Variants in EDIL3 observed in about 807,000 individuals in gnomAD.
The protein encoded by EDIL3 is EGF-like repeat and discoidin I-like domain-containing protein 3.
A neutral mutation model predicts 67.4 loss-of-function variants in EDIL3; 37 were observed. The ratio of observed to expected loss-of-function variants is 0.55; its 90% CI spans 0.42 to 0.72. EDIL3 has a LOEUF of 0.72. EDIL3 is among the 30% of genes least tolerant of loss of function. EDIL3 has a pLI of 0.00. For synonymous variants in EDIL3, 195 were observed against 196.3 expected (o/e 0.99, Z 0.05); for missense variants, 527 against 586.3 (o/e 0.90, Z 1.04).
chr5:84,094,492 A>G (rs1747225599), intron 6 of EDIL3, among the ~76,000 whole-genome samples: 1 of 152,052 alleles, frequency 6.6e-6, no homozygotes, highest in Non-Finnish European at 1.5e-5. Context: ...CAGCTTCTGT[A>G]ACTAGAAAAA....
intron 4 of EDIL3, among the ~76,000 whole-genome samples, chr5:84,157,399 A>G (rs1405302649): frequency 6.6e-6 from 1 of 152,126 alleles, no homozygotes; most frequent in Non-Finnish European, 1.5e-5. Context: ...TAAGCAATCC[A>G]GTAAATAATA....
chr5:83,967,790 G>A (rs1396614655), intron 9 of EDIL3, among the ~76,000 whole-genome samples: 1 of 152,098 alleles, frequency 6.6e-6, no homozygotes, highest in Non-Finnish European at 1.5e-5. Context: ...TTCTTGAAGG[G>A]GTGAGGACAA....
rs114775587 is a variant in EDIL3 at position 83,961,123 on chromosome 5, A to G, written c.1293+2082T>C. ...AGATTTCAGAGCAAAAAATAGTACC[A>G]GGGGTACAGAAGTTCATTTTCTAAT... On this transcript the variant is annotated intron_variant, in intron 10 of 10. Coordinates refer to ENST00000296591, the MANE Select transcript of EDIL3 (RefSeq NM_005711.5). 3.0e-3 allele frequency among the ~76,000 whole-genome samples: 449 copies of G among 151,202 alleles called. 1 individual carries two copies. The highest frequency in any genetic ancestry group is 0.01 in the African/African-American group (429 of 41,456).
intron 5 of EDIL3, among the ~76,000 whole-genome samples, 167 bp downstream of exon 5, chr5:84,137,074 G>C (rs1186894710): frequency 6.6e-6 from 1 of 151,936 alleles, no homozygotes; most frequent in Non-Finnish European, 1.5e-5. Flanking sequence ...CATTTCAATG[G>C]ATTATGCACT....
At chr5:84,292,624 T>C (rs1745946173) in intron 1 of EDIL3, among the ~76,000 whole-genome samples, 1 of 152,206 alleles carries the variant, frequency 6.6e-6, no homozygotes, top group African/African-American at 2.4e-5. Context: ...ATCCTATTTT[T>C]TTAAGATTTG....
At chr5:84,310,340 G>C (rs72778410) in intron 1 of EDIL3, among the ~76,000 whole-genome samples, 16 of 152,022 alleles carry the variant, frequency 1.1e-4, no homozygotes, top group Non-Finnish European at 1.9e-4. Flanking sequence ...ATTTTTACAC[G>C]TGGGGGGAGG....
chr5:83,980,269 C>G (rs977073005), intron 9 of EDIL3, among the ~76,000 whole-genome samples: 28 of 151,274 alleles, frequency 1.9e-4, no homozygotes, highest in African/African-American at 6.3e-4. Context: ...TTTTATGGGC[C>G]CTTTGGCTGA....
intron 6 of EDIL3, among the ~76,000 whole-genome samples, chr5:84,085,340 G>A (rs1747050328): frequency 6.6e-6 from 1 of 152,190 alleles, no homozygotes; most frequent in Admixed American, 6.5e-5. Flanking sequence ...CTTTGAGGCT[G>A]ATGACCTTTG....
In EDIL3 at chr5:84,383,325, A is replaced by G. The variant is rs113528993; in HGVS notation, c.67+983T>C. Among the ~76,000 whole-genome samples, 294 of 152,232 alleles carry G rather than the reference A, an allele frequency of 1.9e-3. 1 individual carries two copies. The highest frequency in any genetic ancestry group is 6.5e-3 in the African/African-American group (272 of 41,554). ...TCCGGCGACTACTTCAGCCCCGGCC[A>G]GCGGTGAGACCCAGGTCAGCACAAG... On this transcript the variant is annotated intron_variant, in intron 1 of 10. Transcript: ENST00000296591.
intron 3 of EDIL3, among the ~76,000 whole-genome samples, chr5:84,205,117 T>A (rs905406133): frequency 3.3e-5 from 5 of 151,562 alleles, no homozygotes; most frequent in Non-Finnish European, 7.4e-5. Context: ...GGTCTCACCT[T>A]GTTGCCCAGG....
chr5:84,060,750 T>G (rs2112235766), intron 8 of EDIL3, among the ~76,000 whole-genome samples: 1 of 152,328 alleles, frequency 6.6e-6, no homozygotes, highest in Admixed American at 6.5e-5. Flanking sequence ...TTTTCTGTGA[T>G]AGATGATTCT....
At chr5:84,361,099 G>C (rs1325848883) in intron 1 of EDIL3, among the ~76,000 whole-genome samples, 1 of 151,988 alleles carries the variant, frequency 6.6e-6, no homozygotes. Flanking sequence ...TTCTGCAAGT[G>C]AGCGTTAATA....
chr5:84,299,106 AG>A (rs1746104497), intron 1 of EDIL3, among the ~76,000 whole-genome samples: 1 of 152,228 alleles, frequency 6.6e-6, no homozygotes, highest in Non-Finnish European at 1.5e-5. Flanking sequence ...TTCTGTAAGT[AG>A]GTTGCAGTGT....
intron 1 of EDIL3, among the ~76,000 whole-genome samples, chr5:84,281,203 C>A (rs1317030): frequency 6.6e-6 from 1 of 151,958 alleles, no homozygotes; most frequent in African/African-American, 2.4e-5. Context: ...CTATTTCTTA[C>A]CTTTACTGTG....
chr5:83,964,296 A>T (rs1317593127), intron 9 of EDIL3, among the ~76,000 whole-genome samples: 4 of 151,910 alleles, frequency 2.6e-5, no homozygotes, highest in Non-Finnish European at 5.9e-5. Context: ...CAACTCTTGT[A>T]AGATCTTTGC....
At chr5:84,079,035 A>G (rs1746916137) in intron 6 of EDIL3, among the ~76,000 whole-genome samples, 1 of 152,124 alleles carries the variant, frequency 6.6e-6, no homozygotes, top group Admixed American at 6.5e-5. Context: ...TTACTGGCCA[A>G]TGATTTCATC....
chr5:84,298,752 T>C (rs956286622), intron 1 of EDIL3, among the ~76,000 whole-genome samples: 3 of 152,222 alleles, frequency 2.0e-5, no homozygotes, highest in Non-Finnish European at 4.4e-5. Flanking sequence ...GAAAGCGATG[T>C]CACACCTTTG....
At chr5:84,344,651 T>C (rs962575992) in intron 1 of EDIL3, among the ~76,000 whole-genome samples, 5 of 152,082 alleles carry the variant, frequency 3.3e-5, no homozygotes, top group African/African-American at 1.2e-4. Flanking sequence ...AAAAATGTAA[T>C]ATGTCATTAA....
intron 7 of EDIL3, among the ~76,000 whole-genome samples, chr5:84,066,245 C>A (rs1746638609): frequency 6.6e-6 from 1 of 152,030 alleles, no homozygotes; most frequent in Non-Finnish European, 1.5e-5. Flanking sequence ...CAATTAAAAT[C>A]TGTGAAAATC....
Sources: gnomAD v4.1 joint callset for allele counts (sites outside exome capture counted in the v4.1 genomes callset) on GRCh38, gnomAD v4.1.1 for gene constraint, MANE v1.5 for transcripts, NCBI Gene and HGNC (gene_info 2026-07-23, HGNC 2026-07-21) for gene names.